The following RXFP1 variants were observed in gnomAD, a reference collection of about 807,000 sequenced individuals.
The protein encoded by RXFP1 is relaxin receptor 1.
In RXFP1, 73 loss-of-function variants were observed where a neutral mutation model predicts 89.8. The observed-to-expected ratio is 0.81, with a 90% CI of 0.67 to 0.99. The LOEUF (loss-of-function observed/expected upper bound fraction) is 0.99, where lower values mean the gene tolerates loss of function less well. Ranked by LOEUF, RXFP1 falls within the 50% of genes least tolerant of loss-of-function variation. The pLI, the probability that RXFP1 is intolerant of heterozygous loss-of-function variation, is 0.00. For missense variants in RXFP1, 793 were observed against 895.5 expected (o/e 0.89, Z 1.46); for synonymous variants, 277 against 305.5 (o/e 0.91, Z 0.97).
intron 1 of RXFP1, among the ~76,000 whole-genome samples, chr4:158,572,076 C>A (rs1755186581): frequency 6.6e-6 from 1 of 152,180 alleles, no homozygotes; most frequent in Admixed American, 6.5e-5. Flanking sequence ...CTATGTAAAT[C>A]AATCACCGCC....
chr4:158,602,642 A>G (rs1256864435), intron 4 of RXFP1, among the ~76,000 whole-genome samples: 1 of 152,192 alleles, frequency 6.6e-6, no homozygotes, highest in African/African-American at 2.4e-5. Flanking sequence ...TTCTCTATTT[A>G]TAGATAAAGT....
At chr4:158,649,854 A>G (rs540842218) in intron 17 of RXFP1, among the ~76,000 whole-genome samples, 28 of 152,376 alleles carry the variant, frequency 1.8e-4, no homozygotes, top group African/African-American at 5.0e-4. Context: ...GAAATGGTCC[A>G]GTTACCATCC....
intron 2 of RXFP1, among the ~76,000 whole-genome samples, chr4:158,574,385 TC>T (rs1481731029): frequency 3.9e-5 from 6 of 152,224 alleles, no homozygotes; most frequent in Non-Finnish European, 8.8e-5. Flanking sequence ...TTGAAAATCC[TC>T]CTACTTGAAA....
At chr4:158,628,085 T>C (rs1031743905) in intron 10 of RXFP1, among the ~76,000 whole-genome samples, 2 of 152,208 alleles carry the variant, frequency 1.3e-5, no homozygotes, top group African/African-American at 4.8e-5. Flanking sequence ...TAAAACTTAG[T>C]TCTGAGTTGG....
chr4:158,586,871 A>G (rs1758396335), intron 2 of RXFP1, among the ~76,000 whole-genome samples: 1 of 152,130 alleles, frequency 6.6e-6, no homozygotes. Context: ...GGTTTTAAGC[A>G]TGGCATTATC....
intron 1 of RXFP1, among the ~76,000 whole-genome samples, chr4:158,554,301 TACTC>T (rs1750793839): frequency 6.6e-6 from 1 of 152,176 alleles, no homozygotes; most frequent in South Asian, 2.1e-4. Flanking sequence ...ATTAAAAGAA[TACTC>T]ACTCTTTAAA....
intron 3 of RXFP1, among the ~76,000 whole-genome samples, chr4:158,597,680 A>G (rs1760899053): frequency 6.6e-6 from 1 of 152,066 alleles, no homozygotes; most frequent in African/African-American, 2.4e-5. Context: ...ATCAACATAT[A>G]TGAATTATCT....
intron 1 of RXFP1, among the ~76,000 whole-genome samples, chr4:158,545,934 CTCT>C (rs1284025778): frequency 3.9e-5 from 6 of 152,132 alleles, no homozygotes; most frequent in Admixed American, 3.9e-4. Flanking sequence ...GCAATGTGGG[CTCT>C]TTTTTCGTTC....
intron 15 of RXFP1, 145 bp downstream of exon 15, chr4:158,645,283 AAAG>A: frequency 1.6e-6 from 1 of 628,228 alleles, no homozygotes; most frequent in South Asian, 2.1e-5. Flanking sequence ...CATTTTCTAC[AAAG>A]AAAATAGAAT....
At chr4:158,586,846 T>C (rs888893740) in intron 2 of RXFP1, among the ~76,000 whole-genome samples, 7 of 151,976 alleles carry the variant, frequency 4.6e-5, no homozygotes, top group Admixed American at 2.6e-4. Flanking sequence ...GATTAGGAAA[T>C]TGCACATAGC....
rs545616718 is a variant in RXFP1 at position 158,525,213 on chromosome 4, C to T, written c.49+3188C>T. ...GAGGTATACTGTGTCCCACCTTATA[C>T]TTTGGCGGGGGGGGGTTGGGTTTTT... is the stretch of plus-strand genomic sequence containing the variant. On this transcript the variant is annotated intron_variant, in intron 1 of 17. Transcript: ENST00000307765. Among the ~76,000 whole-genome samples, 4 of 99,314 alleles carry T rather than the reference C, an allele frequency of 4.0e-5. No individual in the cohort carries two copies. In the South Asian group the frequency reaches 1.9e-3, roughly 47 times the overall value. 65.2% of individuals were successfully genotyped at this position (99,314 alleles called of 152,430 possible). A position where few individuals can be genotyped will look rare whatever the true frequency, so the allele number is the denominator to read the frequency against.
intron 11 of RXFP1, among the ~76,000 whole-genome samples, chr4:158,632,855 A>C (rs1280295305): frequency 6.6e-6 from 1 of 152,210 alleles, no homozygotes. Flanking sequence ...AGAAATCAAA[A>C]GAATGAGAAA....
chr4:158,633,368 AG>A, intron 11 of RXFP1, 36 bp from the exon 12 acceptor site: 7 of 1,324,898 alleles, frequency 5.3e-6, no homozygotes, highest in Non-Finnish European at 7.6e-6. Context: ...TAAAGTCTTA[AG>A]AAAATAATAT....
At chr4:158,574,674 A>T (rs1755845713) in intron 2 of RXFP1, among the ~76,000 whole-genome samples, 1 of 152,232 alleles carries the variant, frequency 6.6e-6, no homozygotes, top group East Asian at 1.9e-4. Flanking sequence ...GCCTGGGCTG[A>T]AATCTCCCTG....
intron 15 of RXFP1, 37 bp from the exon 16 acceptor site, chr4:158,646,754 T>C (rs755099657): frequency 2.0e-6 from 3 of 1,521,646 alleles, no homozygotes; most frequent in East Asian, 4.5e-5. Flanking sequence ...TGATACCTAT[T>C]TATTTCTCTA....
At chr4:158,577,009 T>G (rs1756375508) in intron 2 of RXFP1, among the ~76,000 whole-genome samples, 1 of 83,014 alleles carries the variant, frequency 1.2e-5, no homozygotes, top group Non-Finnish European at 3.0e-5. Flanking sequence ...CCAAGGCTGT[T>G]CTTTTCTTCT....
At chr4:158,540,644 C>T (rs1306648182) in intron 1 of RXFP1, among the ~76,000 whole-genome samples, 1 of 150,286 alleles carries the variant, frequency 6.7e-6, no homozygotes, top group Non-Finnish European at 1.5e-5. Context: ...TTTTACCAAC[C>T]CCAATGCCTC....
At chr4:158,541,388 C>T (rs1365780825) in intron 1 of RXFP1, among the ~76,000 whole-genome samples, 1 of 28,704 alleles carries the variant, frequency 3.5e-5, no homozygotes, top group East Asian at 1.2e-3. Context: ...ACACAGTGTC[C>T]AGGGTAATTT....
At chr4:158,588,602 C>A (rs1561074245) in intron 2 of RXFP1, among the ~76,000 whole-genome samples, 1 of 152,200 alleles carries the variant, frequency 6.6e-6, no homozygotes, top group East Asian at 1.9e-4. Context: ...GAGCAGCAAA[C>A]AAATGACCTT....
Sources: gnomAD v4.1 joint callset for allele counts (sites outside exome capture counted in the v4.1 genomes callset) on GRCh38, gnomAD v4.1.1 for gene constraint, MANE v1.5 for transcripts, NCBI Gene and HGNC (gene_info 2026-07-23, HGNC 2026-07-21) for gene names.